Variants in CCDC7 observed in about 807,000 individuals in gnomAD.
The protein encoded by CCDC7 is coiled-coil domain containing 7.
CCDC7 carries 183 observed loss-of-function variants against 196.9 expected under a neutral mutation model. The ratio of observed to expected loss-of-function variants is 0.93; its 90% CI spans 0.82 to 1.05. The LOEUF is 1.05. CCDC7 is among the 50% of genes least tolerant of loss of function. The probability of loss-of-function intolerance (pLI) is 0.00; values close to 1 mark genes in which losing one functional copy is unlikely to be tolerated. For missense variants in CCDC7, 1,540 were observed against 1,482.2 expected (o/e 1.04, Z -0.64); for synonymous variants, 525 against 484.6 (o/e 1.08, Z -1.10).
At chr10:32,678,706 T>G (rs2075400251) in intron 21 of CCDC7, among the ~76,000 whole-genome samples, 1 of 152,182 alleles carries the variant, frequency 6.6e-6, no homozygotes, top group Non-Finnish European at 1.5e-5. Flanking sequence ...GCTCACTTTA[T>G]TCCCCACGGG....
At chr10:32,827,861 T>G (rs915577890) in intron 32 of CCDC7, among the ~76,000 whole-genome samples, 3 of 152,142 alleles carry the variant, frequency 2.0e-5, no homozygotes, top group Admixed American at 2.0e-4. Context: ...TGGGAGAAAT[T>G]TCTATCTATA....
At chr10:32,533,007 G>A (rs2049916413) in intron 11 of CCDC7, among the ~76,000 whole-genome samples, 1 of 151,676 alleles carries the variant, frequency 6.6e-6, no homozygotes, top group Non-Finnish European at 1.5e-5. Context: ...TTTGATGCCT[G>A]TTTTCTGATT....
At chr10:32,449,432 C>T (rs1480863592), upstream of CCDC7, among the ~76,000 whole-genome samples, 3 of 152,180 alleles carry the variant, frequency 2.0e-5, no homozygotes, top group Admixed American at 6.5e-5. Context: ...GGGATCCACC[C>T]GCCTCTGCCT....
At chr10:32,815,995 C>G (rs1474809253) in intron 31 of CCDC7, among the ~76,000 whole-genome samples, 2 of 152,148 alleles carry the variant, frequency 1.3e-5, no homozygotes, top group African/African-American at 4.8e-5. Context: ...GTTGGCAGGA[C>G]AGTGGGTGCA....
intron 3 of CCDC7, among the ~76,000 whole-genome samples, chr10:32,458,988 A>G (rs2034994180): frequency 2.0e-5 from 3 of 151,798 alleles, no homozygotes; most frequent in Non-Finnish European, 4.4e-5. Flanking sequence ...TATAATTTTC[A>G]TTGTAGAGAC....
intron 14 of CCDC7, among the ~76,000 whole-genome samples, chr10:32,566,901 C>G (rs113472807): frequency 6.9e-6 from 1 of 145,168 alleles, no homozygotes; most frequent in Admixed American, 7.0e-5. Flanking sequence ...TATATATTAG[C>G]TATGTATAAT....
chr10:32,515,012 G>A (rs2046807335), intron 9 of CCDC7, among the ~76,000 whole-genome samples: 2 of 152,054 alleles, frequency 1.3e-5, no homozygotes, highest in South Asian at 4.1e-4. Context: ...TTTTTGTAGG[G>A]ACAGGGTCTT....
At chr10:32,681,605 A>C (rs1297366417) in intron 21 of CCDC7, among the ~76,000 whole-genome samples, 1 of 152,144 alleles carries the variant, frequency 6.6e-6, no homozygotes, top group Non-Finnish European at 1.5e-5. Flanking sequence ...ATCTTACCTC[A>C]AGTCTCTTTT....
chr10:32,544,607 T>A (rs752695072), intron 13 of CCDC7, among the ~76,000 whole-genome samples: 3 of 151,970 alleles, frequency 2.0e-5, no homozygotes, highest in Non-Finnish European at 4.4e-5. Context: ...ATATCAGGAG[T>A]CAGAACAGCA....
rs184333358 is a variant in CCDC7 at position 32,547,663 on chromosome 10, A to G, written c.1134+3362A>G. Among the ~76,000 whole-genome samples the G allele has an allele frequency of 9.3e-4, 142 of 152,326 alleles. 1 individual carries two copies. The highest frequency in any genetic ancestry group is 4.6e-3 in the Admixed American group (70 of 15,300). ...TTTATGGGATACATGAGATATTTTG[A>G]TACAAGCATACAATGCATAATAATC... On this transcript the variant is annotated intron_variant, in intron 13 of 41. Coordinates refer to ENST00000639629, the Ensembl canonical transcript of CCDC7.
chr10:32,760,758 A>T (rs10715324), intron 28 of CCDC7, among the ~76,000 whole-genome samples: 21,111 of 138,462 alleles, frequency 0.15, 1,777 homozygotes, highest in East Asian at 0.26. Flanking sequence ...TAATAAAATT[A>T]AAAAAAAAAG....
At chr10:32,535,831 T>C (rs2050398901) in intron 11 of CCDC7, among the ~76,000 whole-genome samples, 1 of 152,238 alleles carries the variant, frequency 6.6e-6, no homozygotes, top group Admixed American at 6.5e-5. Context: ...TGGTAGAAGA[T>C]GGCTTTGCAG....
At chr10:32,768,776 A>T (rs1383968327) in intron 28 of CCDC7, among the ~76,000 whole-genome samples, 2 of 152,104 alleles carry the variant, frequency 1.3e-5, no homozygotes, top group African/African-American at 4.8e-5. Context: ...GAGATTATCA[A>T]AAGTGTTTTG....
intron 24 of CCDC7, among the ~76,000 whole-genome samples, chr10:32,701,702 A>T (rs2078753733): frequency 6.6e-6 from 1 of 152,106 alleles, no homozygotes; most frequent in Non-Finnish European, 1.5e-5. Flanking sequence ...AGAGCCTGTT[A>T]TTGGTCTATT....
At chr10:32,709,770 G>A (rs929052615) in intron 24 of CCDC7, among the ~76,000 whole-genome samples, 6 of 152,144 alleles carry the variant, frequency 3.9e-5, no homozygotes, top group African/African-American at 1.2e-4. Context: ...TGACCAATTT[G>A]CCTGACCTTA....
intron 18 of CCDC7, among the ~76,000 whole-genome samples, chr10:32,627,187 G>A (rs1396576176): frequency 1.3e-5 from 2 of 151,834 alleles, no homozygotes; most frequent in Non-Finnish European, 2.9e-5. Context: ...CCATTTATTT[G>A]TGTCTTCAAT....
At chr10:32,700,510 T>C (rs1344848666) in intron 24 of CCDC7, among the ~76,000 whole-genome samples, 1 of 152,168 alleles carries the variant, frequency 6.6e-6, no homozygotes, top group East Asian at 1.9e-4. Context: ...CTTTGTTCTT[T>C]TGGCTTAGGA....
chr10:32,471,110 ACAAAACAGT>A (rs753737881), exon 6 of CCDC7: 1 of 1,612,040 alleles, frequency 6.2e-7, no homozygotes, highest in East Asian at 2.2e-5. Context: ...CCAAAACCTG[ACAAAACAGT>A]CATTTTAAAT....
chr10:32,545,857 G>A (rs2052352229), intron 13 of CCDC7, among the ~76,000 whole-genome samples: 1 of 131,758 alleles, frequency 7.6e-6, no homozygotes, highest in African/African-American at 2.9e-5. Flanking sequence ...AGTGAGCCGA[G>A]ACCACACCAC....
Sources: allele counts gnomAD v4.1 joint callset (sites outside exome capture counted in the v4.1 genomes callset), GRCh38; gene constraint gnomAD v4.1.1; transcripts MANE v1.5; gene names NCBI Gene and HGNC (gene_info 2026-07-23, HGNC 2026-07-21).